The following KCND3 variants were observed in gnomAD, a reference collection of about 807,000 sequenced individuals.
KCND3 encodes the protein potassium voltage-gated channel subfamily D member 3, also known as A-type voltage-gated potassium channel KCND3.
KCND3 carries 9 observed loss-of-function variants against 51.1 expected under a neutral mutation model. The observed-to-expected ratio is 0.18, with a 90% CI of 0.11 to 0.31. The LOEUF is 0.31. Ranked by LOEUF, KCND3 falls within the 10% of genes least tolerant of loss-of-function variation. KCND3 has a pLI of 1.00. For synonymous variants in KCND3, 349 were observed against 368.0 expected (o/e 0.95, Z 0.59); for missense variants, 526 against 903.8 (o/e 0.58, Z 5.36).
intron 2 of KCND3, among the ~76,000 whole-genome samples, chr1:111,922,855 G>C (rs370469225): frequency 1.3e-5 from 2 of 152,200 alleles, no homozygotes; most frequent in South Asian, 4.1e-4. Context: ...TATGGTAGTT[G>C]TAAGAATTCA....
Position 111,898,055 on chromosome 1 carries a change from G to C in KCND3, c.1106+83566C>G, listed in dbSNP as rs1571818494. Among the ~76,000 whole-genome samples, 6 of 152,076 alleles carry C rather than the reference G, an allele frequency of 3.9e-5. No individual in the cohort carries two copies. The South Asian group carries it at 1.2e-3, about 32-fold the overall frequency. ...CCACAAAACTGGACTGCTTAGGTTT[G>C]CATCTCAGCTTAACATTTTACCTAT... is the stretch of plus-strand genomic sequence containing the variant. On this transcript the variant is annotated intron_variant, in intron 2 of 7. Transcript: ENST00000302127.
chr1:111,892,867 G>A (rs572309439), intron 2 of KCND3, among the ~76,000 whole-genome samples: 4 of 152,174 alleles, frequency 2.6e-5, no homozygotes, highest in Non-Finnish European at 4.4e-5. Context: ...CCACATTCCC[G>A]GGAGGTATAG....
Position 111,949,508 on chromosome 1 carries a change from AG to A in KCND3, c.1106+32112del, listed in dbSNP as rs201391030. On this transcript the variant is annotated intron_variant, in intron 2 of 7. Transcript: ENST00000302127. ...GGAAAAGTAAACGGTCAGATTTAGA[AG>A]GGTAAGGAAAAGGTGAGGGGGTAGA... Among the ~76,000 whole-genome samples the A allele has an allele frequency of 5.9e-3, 894 of 152,342 alleles. 20 individuals carry two copies. Among genetic ancestry groups the A allele is most frequent in the Admixed American group, 0.046 (705 of 15,300 alleles).
chr1:111,805,919 A>G (rs1400158315), intron 2 of KCND3, among the ~76,000 whole-genome samples: 1 of 152,232 alleles, frequency 6.6e-6, no homozygotes, highest in Non-Finnish European at 1.5e-5. Context: ...TGGTGGCAGG[A>G]CGGGGACAGG....
intron 2 of KCND3, among the ~76,000 whole-genome samples, chr1:111,883,897 T>G (rs11102353): frequency 0.39 from 59,360 of 152,110 alleles, 12,064 homozygotes; most frequent in Middle Eastern, 0.5. Flanking sequence ...AGGTGGGTAT[T>G]GCTTTCTCCA....
intron 2 of KCND3, among the ~76,000 whole-genome samples, chr1:111,846,399 C>T (rs1414006641): frequency 6.6e-6 from 1 of 151,248 alleles, no homozygotes; most frequent in African/African-American, 2.4e-5. Context: ...TACCTTTCCT[C>T]TGTACACCCA....
chr1:111,783,332 C>G (rs116622253), intron 3 of KCND3, among the ~76,000 whole-genome samples: 3,202 of 152,228 alleles, frequency 0.021, 66 homozygotes, highest in East Asian at 0.063. Flanking sequence ...TTCTCCTCCT[C>G]CTTCCCTGAA....
chr1:111,834,138 T>C (rs1042452457), intron 2 of KCND3, among the ~76,000 whole-genome samples: 1 of 152,146 alleles, frequency 6.6e-6, no homozygotes, highest in Non-Finnish European at 1.5e-5. Flanking sequence ...GTGAAGGGGG[T>C]TACAGATCTG....
chr1:111,864,060 G>T (rs544656590), intron 2 of KCND3, among the ~76,000 whole-genome samples: 2 of 152,264 alleles, frequency 1.3e-5, no homozygotes, highest in South Asian at 4.1e-4. Flanking sequence ...GGGGAGCAGA[G>T]GAGGAGGAGC....
intron 2 of KCND3, among the ~76,000 whole-genome samples, chr1:111,801,474 C>A (rs1239745390): frequency 6.6e-6 from 1 of 152,186 alleles, no homozygotes; most frequent in East Asian, 1.9e-4. Context: ...CTCGCACACC[C>A]CTGATTCTGC....
chr1:111,986,224 T>A (rs924247830), intron 1 of KCND3, among the ~76,000 whole-genome samples: 3 of 152,256 alleles, frequency 2.0e-5, no homozygotes, highest in Non-Finnish European at 2.9e-5. Flanking sequence ...GGACACTGTC[T>A]GAGACACTTT....
chr1:111,951,452 AGGAGAG>A, intron 2 of KCND3, among the ~76,000 whole-genome samples: 1 of 152,158 alleles, frequency 6.6e-6, no homozygotes, highest in Admixed American at 6.5e-5. Flanking sequence ...GCTTATAATC[AGGAGAG>A]TAGATATATG....
At chr1:111,870,106 T>C (rs1198909915) in intron 2 of KCND3, among the ~76,000 whole-genome samples, 3 of 152,184 alleles carry the variant, frequency 2.0e-5, no homozygotes, top group Non-Finnish European at 1.5e-5. Flanking sequence ...AGCCTCACAA[T>C]GGCCCTATGA....
At chr1:111,980,203 AGTGTGTGTGTGTGT>A (rs58988523) in intron 2 of KCND3, among the ~76,000 whole-genome samples, 5 of 143,048 alleles carry the variant, frequency 3.5e-5, no homozygotes, top group South Asian at 2.3e-4. Flanking sequence ...CCATTTGAAG[AGTGTGTGTGTGTGT>A]GTGTGTGTGT....
At chr1:111,948,542 C>A (rs958921403) in intron 2 of KCND3, among the ~76,000 whole-genome samples, 2 of 152,198 alleles carry the variant, frequency 1.3e-5, no homozygotes, top group African/African-American at 4.8e-5. Context: ...CTTCTGTTCT[C>A]CCACTTTTTT....
intron 2 of KCND3, among the ~76,000 whole-genome samples, chr1:111,853,205 C>A (rs1308931905): frequency 1.3e-5 from 2 of 152,148 alleles, no homozygotes; most frequent in African/African-American, 2.4e-5. Flanking sequence ...AACAACTGGG[C>A]TGGAATTTCC....
chr1:111,844,794 G>A (rs186392798), intron 2 of KCND3, among the ~76,000 whole-genome samples: 55 of 152,192 alleles, frequency 3.6e-4, no homozygotes, highest in African/African-American at 1.3e-3. Context: ...AGAAGGCAGC[G>A]TTCCTCCTGT....
At chr1:111,928,139 A>G (rs1671799442) in intron 2 of KCND3, among the ~76,000 whole-genome samples, 2 of 152,052 alleles carry the variant, frequency 1.3e-5, no homozygotes, top group African/African-American at 4.8e-5. Context: ...CTCCCATTAG[A>G]ATATAAGTTC....
chr1:111,778,319 C>T, intron 6 of KCND3, 117 bp downstream of exon 6: 1 of 946,718 alleles, frequency 1.1e-6, no homozygotes, highest in Non-Finnish European at 1.7e-6. Flanking sequence ...GTAGGAGGAG[C>T]CCCAGAAGAA....
Sources: allele counts gnomAD v4.1 joint callset (sites outside exome capture counted in the v4.1 genomes callset), GRCh38; gene constraint gnomAD v4.1.1; transcripts MANE v1.5; gene names NCBI Gene and HGNC (gene_info 2026-07-23, HGNC 2026-07-21).